Variants in YARS1 observed in about 807,000 individuals in gnomAD.
The protein encoded by YARS1 is tyrosyl-tRNA synthetase 1, also known as tyrosine--tRNA ligase, cytoplasmic.
In YARS1, 36 loss-of-function variants were observed where a neutral mutation model predicts 62.2. The observed-to-expected ratio is 0.58, with a 90% CI of 0.44 to 0.76. YARS1 has a LOEUF of 0.76. Among genes scored for constraint, YARS1 ranks in the 30% least tolerant of loss-of-function variants. The pLI, the probability that YARS1 is intolerant of heterozygous loss-of-function variation, is 0.00. For synonymous variants in YARS1, 234 were observed against 244.9 expected, an observed-to-expected ratio of 0.96 and a Z score of 0.42; for missense variants, 524 against 639.8, an observed-to-expected ratio of 0.82 and a Z score of 1.95.
intron 8 of YARS1, among the ~76,000 whole-genome samples, chr1:32,785,570 T>C (rs1557449290): frequency 6.6e-6 from 1 of 151,988 alleles, no homozygotes; most frequent in Non-Finnish European, 1.5e-5. Flanking sequence ...TCTTTCTTTT[T>C]CTTTTCTTTT....
rs772261295 is a variant in YARS1, at chr1:32,780,270, A to C, written c.1149T>G (p.Asp383Glu). The stretch of plus-strand genomic sequence containing the variant: ...TCTTCTCTACATACAGGCTGTCTGC[A>C]TCTGGGTGCTGCCAGGGAGAGACGT... ...GKIITVEKHP[D>E]ADSLYVEKID... Residue 383 changes from aspartate to glutamate, a missense_variant, in exon 11 of 13, where the codon GAT (aspartate) becomes GAG (glutamate). Asp to Glu is a conservative substitution (Grantham distance 45). Coordinates refer to ENST00000373477, the MANE Select transcript of YARS1 (RefSeq NM_003680.4). 1 of 1,614,136 alleles carries C rather than the reference A, an allele frequency of 6.2e-7. No homozygotes were observed.
At position 32,811,902 on chromosome 1, in the gene YARS1, C is replaced by T. The variant is rs191330574; in HGVS notation, c.58-845G>A. Among the ~76,000 whole-genome samples the T allele has an allele frequency of 3.9e-5, 6 of 152,248 alleles. No individual in the cohort carries two copies. The East Asian group carries it at 5.8e-4, about 15-fold the overall frequency. On this transcript the variant is annotated intron_variant, in intron 1 of 12. Transcript: ENST00000373477. Reference sequence around the variant, plus strand: ...ACTAAACTTTAAGCCCCCCAACTGTCGGAATGGACCCCACATTTTGGCCAA... The same window carrying T: ...ACTAAACTTTAAGCCCCCCAACTGTTGGAATGGACCCCACATTTTGGCCAA...
intron 4 of YARS1, among the ~76,000 whole-genome samples, chr1:32,800,963 G>C (rs1185356085): frequency 2.6e-5 from 4 of 152,080 alleles, no homozygotes; most frequent in Admixed American, 6.6e-5. Context: ...ACATGTATTT[G>C]TTTTAACAGA....
At position 32,776,823 on chromosome 1, in the gene YARS1, G is replaced by A. The variant is rs899527761; in HGVS notation, c.1477-732C>T. On this transcript the variant is annotated intron_variant, in intron 12 of 12. Transcript: ENST00000373477. This position sits in a 1 kb window ranked among gnomAD's most constrained non-coding sequence, Gnocchi z 4.0. The stretch of plus-strand genomic sequence containing the variant: ...CTACTAAAATTACAAAAAATTAGCC[G>A]GGTGTGGTGGTGGGGCGCCTGTAGT... Among the ~76,000 whole-genome samples the A allele has an allele frequency of 1.3e-5, 2 of 151,898 alleles. No individual in the cohort carries two copies. The highest frequency in any genetic ancestry group is 4.8e-5 in the African/African-American group (2 of 41,402).
rs547917231 is a variant in YARS1 at position 32,784,167 on chromosome 1, G to T, written c.907-1628C>A. Among the ~76,000 whole-genome samples the T allele has an allele frequency of 4.6e-5, 7 of 151,708 alleles. No homozygotes were observed. The South Asian group carries it at 1.5e-3, about 32-fold the overall frequency. On this transcript the variant is annotated intron_variant, in intron 8 of 12. Coordinates refer to ENST00000373477, the MANE Select transcript of YARS1 (RefSeq NM_003680.4). ...CTACAGGCATGCGCCATCATGGCTG[G>T]CCAGTATTTTGATTTTTTTTTTTTT... is the stretch of plus-strand genomic sequence containing the variant.
At chr1:32,779,204 G>C (rs1257636114) in intron 12 of YARS1, among the ~76,000 whole-genome samples, 178 bp downstream of exon 12, 3 of 152,144 alleles carry the variant, frequency 2.0e-5, no homozygotes, top group Non-Finnish European at 4.4e-5. Flanking sequence ...AAGGTCCTAA[G>C]ACCCCCATGC....
intron 12 of YARS1, among the ~76,000 whole-genome samples, chr1:32,777,876 G>A (rs1056237423): frequency 6.6e-6 from 1 of 152,094 alleles, no homozygotes; most frequent in African/African-American, 2.4e-5. Flanking sequence ...AAGACCAGAA[G>A]GAAATAATCA....
At chr1:32,791,822 AAAAC>A (rs1305979522) in intron 5 of YARS1, among the ~76,000 whole-genome samples, 1 of 152,070 alleles carries the variant, frequency 6.6e-6, no homozygotes, top group Non-Finnish European at 1.5e-5. Context: ...AAACAAAAAC[AAAAC>A]AAACAAAAAA....
Position 32,806,493 on chromosome 1 carries a change from G to T in YARS1, c.499C>A (p.Pro167Thr), listed in dbSNP as rs1279417718. Residue 167 changes from proline to threonine, a missense_variant, in exon 4 of 13, where the codon CCC becomes ACC. Coordinates refer to ENST00000373477, the MANE Select transcript of YARS1 (RefSeq NM_003680.4). The part of the protein sequence containing the change: ...EHPLLSGLLY[P>T]GLQALDEEYL... ...TCCCCCTTAAGTACCTGCAGTCCGG[G>T]GTATAAGAGGCCACTCAGCAAAGGG... 2.5e-6 allele frequency: 4 copies of T among 1,613,936 alleles called. No individual in the cohort carries two copies. Among genetic ancestry groups the T allele is most frequent in the African/African-American group, 1.3e-5 (1 of 74,920 alleles).
Position 32,776,151 on chromosome 1 carries a change from C to G in YARS1, c.1477-60G>C, listed in dbSNP as rs532867372. ...GTGGTGGGACTGCAAGAAAACCCCC[C>G]CTTTTTTGGAGGGGGGGCAGAGTTT... On this transcript the variant is annotated intron_variant, in intron 12 of 12. Coordinates refer to ENST00000373477, the MANE Select transcript of YARS1 (RefSeq NM_003680.4). The surrounding 1 kb of genome is among the most constrained non-coding windows in gnomAD (Gnocchi z 4.0). 68 of 1,436,946 alleles carry G rather than the reference C, an allele frequency of 4.7e-5. 1 individual carries two copies. In the South Asian group the frequency reaches 7.5e-4, roughly 16 times the overall value. The allele number at this position is 1,436,946 out of a possible 1,614,324, so 89.0% of individuals were successfully genotyped here.
At chr1:32,806,330 G>T in intron 4 of YARS1, 152 bp downstream of exon 4, 1 of 1,207,262 alleles carries the variant, frequency 8.3e-7, no homozygotes, top group Non-Finnish European at 1.2e-6. Context: ...AAATGGTGCT[G>T]GTGGACTTGC....
In YARS1 at chr1:32,810,735, T is replaced by C; in HGVS notation, c.236A>G (p.Tyr79Cys). The C allele has an allele frequency of 6.2e-7, 1 of 1,614,160 alleles. No homozygotes were observed. The highest frequency in any genetic ancestry group is 8.5e-7 in the Non-Finnish European group (1 of 1,180,020). The change falls in exon 3 of 13, where the codon TAC becomes TGC. Residue 79 changes from tyrosine to cysteine, a missense_variant. Transcript: ENST00000373477. Reference protein sequence around the residue: ...VTILFADLHAYLDNMKAPWEL... With the variant: ...VTILFADLHACLDNMKAPWEL... ...CCATGGGGCTTTCATGTTATCCAGGTATGCGTGGAGGTCCGCAAACAGAAT... is the reference window on the plus strand; with the variant it reads ...CCATGGGGCTTTCATGTTATCCAGGCATGCGTGGAGGTCCGCAAACAGAAT...
chr1:32,777,322 T>C (rs541280733), intron 12 of YARS1, among the ~76,000 whole-genome samples: 1 of 149,298 alleles, frequency 6.7e-6, no homozygotes, highest in African/African-American at 2.4e-5. Context: ...AGAGAAATCA[T>C]GGCCAGGAGG....
chr1:32,780,054 G>A (rs1338135446), intron 11 of YARS1, 31 bp downstream of exon 11: 1 of 1,613,416 alleles, frequency 6.2e-7, no homozygotes, highest in Non-Finnish European at 8.5e-7. Flanking sequence ...GCCTCCCCAG[G>A]TCCTGTGCCC....
intron 4 of YARS1, 37 bp downstream of exon 4, chr1:32,806,445 G>C (rs764784159): frequency 1.2e-6 from 2 of 1,613,240 alleles, no homozygotes; most frequent in Non-Finnish European, 1.7e-6. Context: ...AACCAGAGCA[G>C]AAAAGGTCAT....
At chr1:32,783,083 TG>T (rs1653113053) in intron 8 of YARS1, 1 of 157,952 alleles carries the variant, frequency 6.3e-6, no homozygotes, top group Non-Finnish European at 1.4e-5. Context: ...CTTGAACTCC[TG>T]GGTTCAGGCA....
Position 32,776,019 on chromosome 1 carries a change from T to C in YARS1, c.1549A>G (p.Ile517Val), listed in dbSNP as rs371220818. ...CCCCCTTTCAGCGATTTACAGGAAA[T>C]GGAGCCCAGCTTGGTCATGAAGTTG... Reference protein sequence around the residue: ...QTNFMTKLGSISCKSLKGGNI... With the variant: ...QTNFMTKLGSVSCKSLKGGNI... Residue 517 changes from isoleucine (I) to valine (V), a missense_variant, in exon 13 of 13, where the codon ATT becomes GTT. Ile to Val is a conservative substitution (Grantham distance 29). Coordinates refer to ENST00000373477, the MANE Select transcript of YARS1 (RefSeq NM_003680.4). This position sits in a 1 kb window ranked among gnomAD's most constrained non-coding sequence, Gnocchi z 4.0. 1.5e-5 allele frequency: 25 copies of C among 1,613,986 alleles called. No individual in the cohort carries two copies. The highest frequency in any genetic ancestry group is 1.6e-4 in the Middle Eastern group (1 of 6,084).
intron 4 of YARS1, among the ~76,000 whole-genome samples, chr1:32,805,493 G>A (rs1253641417): frequency 2.0e-5 from 3 of 152,084 alleles, no homozygotes; most frequent in African/African-American, 7.2e-5. Flanking sequence ...TGAAACTTAT[G>A]TCTGTTTCTA....
At chr1:32,791,935 C>G (rs1653424360) in intron 5 of YARS1, among the ~76,000 whole-genome samples, 1 of 152,074 alleles carries the variant, frequency 6.6e-6, no homozygotes, top group Admixed American at 6.6e-5. Context: ...CTTTGCAAAC[C>G]AGGTGCTGAT....
Sources: allele counts gnomAD v4.1 joint callset (sites outside exome capture counted in the v4.1 genomes callset), GRCh38; gene constraint gnomAD v4.1.1; non-coding constraint Gnocchi (gnomAD v3.1); transcripts MANE v1.5; gene names NCBI Gene and HGNC (gene_info 2026-07-23, HGNC 2026-07-21).